Variants in SUN1 observed in about 807,000 individuals in gnomAD.
The protein encoded by SUN1 is Sad1 and UNC84 domain containing 1.
Under a neutral mutation model 103.2 loss-of-function variants are expected in SUN1, and 61 were observed. That is an observed-to-expected ratio of 0.59 (90% CI 0.48 to 0.73). The LOEUF (loss-of-function observed/expected upper bound fraction) is 0.73, where lower values mean the gene tolerates loss of function less well. Ranked by LOEUF, SUN1 falls within the 30% of genes least tolerant of loss-of-function variation. The pLI is 0.00. For missense variants in SUN1, 1,052 were observed against 1,034.6 expected (o/e 1.02, Z -0.23); for synonymous variants, 490 against 425.7 (o/e 1.15, Z -1.86).
upstream of SUN1, among the ~76,000 whole-genome samples, chr7:828,980 G>GAC (rs552435904): frequency 1.2e-4 from 18 of 152,294 alleles, no homozygotes; most frequent in South Asian, 2.3e-3. Flanking sequence ...CCAGGCCAGG[G>GAC]ACACACACTC....
At position 860,185 on chromosome 7, in the gene SUN1, G is replaced by T. The variant is rs549897796; in HGVS notation, c.1582G>T (p.Gly528Cys). The T allele has an allele frequency of 2.5e-6, 4 of 1,614,064 alleles. No individual in the cohort carries two copies. In the East Asian group the frequency reaches 6.7e-5, roughly 27 times the overall value. Reference protein sequence around the residue: ...KLLFSEDQQGGSLEQLLQRFS... With the variant: ...KLLFSEDQQGCSLEQLLQRFS... ...CCTGTTTTCCGAAGATCAGCAAGGC[G>T]GTTCTCTGGAACAGCTGCTGCAGAG... The change falls in exon 14 of 19, where the codon GGT becomes TGT. Residue 528 changes from glycine (G) to cysteine (C), a missense_variant. Physicochemically the swap from Gly to Cys is radical, Grantham distance 159. Around this residue, in one of 2 missense-constraint regions of SUN1, gnomAD observed 846 missense variants for 774.5 expected, o/e 1.09. Coordinates refer to ENST00000401592, the MANE Select transcript of SUN1 (RefSeq NM_001130965.3).
chr7:858,660 C>T (rs948700337), intron 13 of SUN1, among the ~76,000 whole-genome samples: 6 of 152,210 alleles, frequency 3.9e-5, no homozygotes, highest in African/African-American at 1.2e-4. Context: ...GACATTGCTT[C>T]AAGTCCATCA....
At chr7:867,810 G>A (rs1157520960) in intron 16 of SUN1, among the ~76,000 whole-genome samples, 2 of 152,218 alleles carry the variant, frequency 1.3e-5, no homozygotes, top group Non-Finnish European at 2.9e-5. Flanking sequence ...GTTGGGCGGA[G>A]GGTGTGGCCC....
At chr7:853,760 GC>G in intron 10 of SUN1, 142 bp downstream of exon 10, 5 of 941,094 alleles carry the variant, frequency 5.3e-6, no homozygotes, top group Non-Finnish European at 7.8e-6. Flanking sequence ...GTTGTTGAGA[GC>G]AGTGTGCCGG....
In SUN1 at chr7:854,906, TTC is replaced by T. The variant is rs747831869; in HGVS notation, c.1264-10_1264-9del. On this transcript the variant is annotated splice_polypyrimidine_tract_variant and intron_variant, in intron 10 of 18. Transcript: ENST00000401592. ...ACTTTCTCCATCATTTGTTCACTCC[TTC>T]TCTTTCCTAAGACTGACTTTATGGC... The T allele has an allele frequency of 6.2e-7, 1 of 1,602,808 alleles. No individual in the cohort carries two copies. Among genetic ancestry groups the T allele is most frequent in the Non-Finnish European group, 8.5e-7 (1 of 1,172,750 alleles).
chr7:825,899 T>TC (rs1459719224), intron 1 of SUN1, among the ~76,000 whole-genome samples: 1 of 144,672 alleles, frequency 6.9e-6, no homozygotes, highest in Non-Finnish European at 1.5e-5. Context: ...TAGTACTGGT[T>TC]TTTTTTTTTC....
At chr7:849,679 G>A in intron 5 of SUN1, 4 of 1,472,334 alleles carry the variant, frequency 2.7e-6, no homozygotes, top group Non-Finnish European at 3.8e-6. Flanking sequence ...GGTACTAGCA[G>A]TAGAGAATGA....
chr7:855,131 A>G (rs951853001), intron 11 of SUN1, 125 bp downstream of exon 11: 6 of 747,804 alleles, frequency 8.0e-6, no homozygotes, highest in Non-Finnish European at 1.3e-5. Flanking sequence ...TTTGTGTAAA[A>G]TGGAAAGAAA....
At chr7:843,680 C>G in intron 5 of SUN1, 160 bp downstream of exon 5, 1 of 1,474,116 alleles carries the variant, frequency 6.8e-7, no homozygotes, top group Non-Finnish European at 9.0e-7. Context: ...CCTTCCTGTC[C>G]TCTTCTAGTT....
chr7:853,588 CAG>C lies in SUN1; in HGVS notation c.1237_1238del (p.Asp413ArgfsTer10). On this transcript the variant is annotated frameshift_variant, in exon 10 of 19. Coordinates refer to ENST00000401592, the MANE Select transcript of SUN1 (RefSeq NM_001130965.3). LOFTEE classifies it high-confidence loss of function. ...GGAAGPSASVRDAVGQPPRET... is the reference protein window; with the variant it reads ...GGAAGPSASVXDAVGQPPRET... Reference sequence around the variant, plus strand: ...GCGCTGCCGGGCCGTCAGCTTCGGTCAGAGACGCTGTGGGACAGCCCCCGAGG... The same window carrying C: ...GCGCTGCCGGGCCGTCAGCTTCGGTCAGACGCTGTGGGACAGCCCCCGAGG... The C allele has an allele frequency of 1.2e-6, 2 of 1,606,740 alleles. No individual in the cohort carries two copies. Among genetic ancestry groups the C allele is most frequent in the Non-Finnish European group, 1.7e-6 (2 of 1,179,902 alleles).
chr7:870,005 C>T (rs1287449375), intron 17 of SUN1, among the ~76,000 whole-genome samples: 1 of 150,894 alleles, frequency 6.6e-6, no homozygotes, highest in Non-Finnish European at 1.5e-5. Context: ...ACCAGCCTGG[C>T]CAAGGTGGTG....
intron 2 of SUN1, among the ~76,000 whole-genome samples, chr7:840,143 A>T (rs1807860055): frequency 6.6e-6 from 1 of 152,218 alleles, no homozygotes; most frequent in Admixed American, 6.5e-5. Flanking sequence ...GGAATGGTTG[A>T]TGGGTGGAGA....
At chr7:833,997 C>T (rs1466207958) in intron 1 of SUN1, among the ~76,000 whole-genome samples, 1 of 152,160 alleles carries the variant, frequency 6.6e-6, no homozygotes, top group Non-Finnish European at 1.5e-5. Flanking sequence ...TTCAGTGAGA[C>T]CTGTGGGCAG....
rs116503220 is a variant in SUN1, at chr7:862,445, C to T, written c.1864+981C>T. ...TTCTGTGGTGGCTGCAGACTGAAGT[C>T]GTGATAAAAATGGCTGGATTCTTCC... On this transcript the variant is annotated intron_variant, in intron 15 of 18. Transcript: ENST00000401592. Among the ~76,000 whole-genome samples the T allele has an allele frequency of 6.0e-3, 913 of 152,240 alleles. 10 individuals are homozygous for T. Among genetic ancestry groups the T allele is most frequent in the African/African-American group, 0.021 (859 of 41,522 alleles).
At chr7:843,704 G>A (rs528290771) in intron 5 of SUN1, 184 bp downstream of exon 5, 23 of 1,437,318 alleles carry the variant, frequency 1.6e-5, no homozygotes, top group Non-Finnish European at 2.1e-5. Flanking sequence ...ATTTTATGTG[G>A]TTAGTAATTT....
intron 5 of SUN1, chr7:848,623 A>T: frequency 7.6e-6 from 10 of 1,315,778 alleles, no homozygotes; most frequent in Non-Finnish European, 9.0e-6. Flanking sequence ...AAGGTATTTA[A>T]ATATTTTTTC....
chr7:857,849 G>T lies in SUN1; in HGVS notation c.1416G>T (p.Leu472=). 6.3e-7 allele frequency: 1 copy of T among 1,591,608 alleles called. No individual in the cohort carries two copies. The highest frequency in any genetic ancestry group is 1.1e-5 in the South Asian group (1 of 89,468). ...CCAGTGCGGTTGGTGAGCAGCTCCT[G>T]CCCACAGTCGAGCACCTCCAGCTGG... ...KTISAVGEQL[L]PTVEHLQLEL... Residue 472 remains leucine, a synonymous_variant, in exon 13 of 19, where the codon CTG becomes CTT. Transcript: ENST00000401592.
At chr7:852,211 GAGATAAGAAAAGC>G (rs1822876901) in intron 7 of SUN1, 168 bp downstream of exon 7, 1 of 669,922 alleles carries the variant, frequency 1.5e-6, no homozygotes, top group Admixed American at 2.9e-5. Context: ...ACCAACCTGT[GAGATAAGAAAAGC>G]AGATATCATT....
chr7:847,467 C>T (rs560121481), intron 5 of SUN1, among the ~76,000 whole-genome samples: 15 of 117,388 alleles, frequency 1.3e-4, no homozygotes, highest in Admixed American at 4.9e-4. Context: ...GTCCAGTCTC[C>T]GGGGTCCCCT....
Sources: allele counts gnomAD v4.1 joint callset (sites outside exome capture counted in the v4.1 genomes callset), GRCh38; gene constraint gnomAD v4.1.1; regional missense constraint gnomAD v4.1.1; transcripts MANE v1.5; gene names NCBI Gene and HGNC (gene_info 2026-07-23, HGNC 2026-07-21).